Variants in NREP observed in about 807,000 individuals in gnomAD.
The protein encoded by NREP is neuronal regeneration related protein.
A neutral mutation model predicts 8.6 loss-of-function variants in NREP; 5 were observed. That is an observed-to-expected ratio of 0.58 (90% CI 0.30 to 1.22). The LOEUF (loss-of-function observed/expected upper bound fraction) is 1.22, where lower values mean the gene tolerates loss of function less well. NREP is among the 50% of genes most tolerant of loss of function. The pLI is 0.07. For synonymous variants in NREP, 27 were observed against 28.0 expected, an observed-to-expected ratio of 0.96 and a Z score of 0.11; for missense variants, 86 against 82.5, an observed-to-expected ratio of 1.04 and a Z score of -0.17.
chr5:111,910,788 T>G (rs1236081637), intron 2 of NREP, among the ~76,000 whole-genome samples: 1 of 152,020 alleles, frequency 6.6e-6, no homozygotes, highest in Non-Finnish European at 1.5e-5. Flanking sequence ...TCTATCTTGG[T>G]CACAGCCAGA....
In NREP at chr5:111,737,362, A is replaced by C. The variant is rs186808205; in HGVS notation, c.4-1855T>G. Among the ~76,000 whole-genome samples the C allele has an allele frequency of 2.3e-3, 344 of 152,248 alleles. 1 individual carries two copies. The highest frequency in any genetic ancestry group is 8.0e-3 in the African/African-American group (333 of 41,576). On this transcript the variant is annotated intron_variant, in intron 2 of 3. Transcript: ENST00000257435. ...AATTCACTTCATATAAATGGATATA[A>C]AGTGATTACATTTCTATATTACCAC...
intron 2 of NREP, among the ~76,000 whole-genome samples, chr5:111,754,943 A>C (rs766163708): frequency 5.3e-5 from 8 of 152,210 alleles, no homozygotes; most frequent in Non-Finnish European, 1.0e-4. Context: ...CTAAGTGACA[A>C]AGAGGTGTTT....
At chr5:111,777,355 AGTGT>A (rs57727316) in intron 2 of NREP, among the ~76,000 whole-genome samples, 134 of 148,768 alleles carry the variant, frequency 9.0e-4, no homozygotes, top group Middle Eastern at 6.8e-3. Context: ...TGTGTGTGTG[AGTGT>A]GTGTGTGTGT....
intron 2 of NREP, among the ~76,000 whole-genome samples, chr5:111,945,811 G>C (rs568459053): frequency 6.6e-6 from 1 of 151,582 alleles, no homozygotes; most frequent in African/African-American, 2.4e-5. Flanking sequence ...CAATCAGAAC[G>C]TTTGCAAAAA....
chr5:111,841,003 CT>C (rs999769109), intron 2 of NREP, among the ~76,000 whole-genome samples: 30 of 104,730 alleles, frequency 2.9e-4, no homozygotes, highest in African/African-American at 1.1e-3. Context: ...GATCTGTGTG[CT>C]TAAGTTTGTT....
At chr5:111,745,509 C>G (rs1175997231) in intron 2 of NREP, among the ~76,000 whole-genome samples, 3 of 152,144 alleles carry the variant, frequency 2.0e-5, no homozygotes, top group Non-Finnish European at 2.9e-5. Flanking sequence ...GCTGAGAAAC[C>G]AGATTGTTTT....
In NREP at chr5:111,816,399, T is replaced by A. The variant is rs889127676; in HGVS notation, c.136-80892A>T. Among the ~76,000 whole-genome samples, 17 of 152,248 alleles carry A rather than the reference T, an allele frequency of 1.1e-4. No individual in the cohort carries two copies. In the East Asian group the frequency reaches 2.9e-3, roughly 26 times the overall value. On this transcript the variant is annotated intron_variant, in intron 2 of 3. Transcript: ENST00000395634. ...GTTTAAATCAATGATTAATAATGTC[T>A]TGTGAGGTTTAAAACATATATAAAC...
At chr5:111,802,870 A>G (rs1027046328) in intron 2 of NREP, among the ~76,000 whole-genome samples, 1 of 152,216 alleles carries the variant, frequency 6.6e-6, no homozygotes, top group Non-Finnish European at 1.5e-5. Context: ...TAGATGACTG[A>G]GCAAAACTGG....
chr5:111,734,847 G>T (rs1030772701), intron 3 of NREP: 1 of 492,900 alleles, frequency 2.0e-6, no homozygotes, highest in Non-Finnish European at 3.6e-6. Flanking sequence ...GTAAAAACTG[G>T]TAAGTAGTTG....
At chr5:111,757,541 C>CTTA (rs1402248183), upstream of NREP, 33 of 984,848 alleles carry the variant, frequency 3.4e-5, no homozygotes, top group Non-Finnish European at 3.7e-5. Context: ...TGTGCAGCCG[C>CTTA]CTAGGAGCCA....
At chr5:111,882,148 G>A (rs191929706) in intron 2 of NREP, among the ~76,000 whole-genome samples, 2,926 of 152,344 alleles carry the variant, frequency 0.019, 47 homozygotes, top group Non-Finnish European at 0.027. Flanking sequence ...AGCTGATGGA[G>A]CTGAAAGCCA....
At chr5:111,803,578 G>A (rs1460382421) in intron 2 of NREP, among the ~76,000 whole-genome samples, 1 of 152,042 alleles carries the variant, frequency 6.6e-6, no homozygotes, top group Non-Finnish European at 1.5e-5. Flanking sequence ...ATCTTTTATT[G>A]TTCAAAGCAT....
At chr5:111,766,788 GA>G (rs2112868615) in intron 2 of NREP, among the ~76,000 whole-genome samples, 1 of 152,338 alleles carries the variant, frequency 6.6e-6, no homozygotes, top group African/African-American at 2.4e-5. Context: ...TGGTGAAGGA[GA>G]AGGGCCAAAG....
intron 3 of NREP, chr5:111,734,847 G>C (rs1030772701): frequency 1.8e-5 from 9 of 492,782 alleles, no homozygotes; most frequent in Middle Eastern, 2.8e-4. Flanking sequence ...GTAAAAACTG[G>C]TAAGTAGTTG....
chr5:111,904,643 G>T (rs895051496), intron 2 of NREP, among the ~76,000 whole-genome samples: 10 of 151,998 alleles, frequency 6.6e-5, no homozygotes, highest in African/African-American at 2.2e-4. Context: ...AAGAGCCCCA[G>T]GAACTTCATC....
chr5:111,783,143 C>T (rs1416487401), intron 2 of NREP, among the ~76,000 whole-genome samples: 2 of 152,130 alleles, frequency 1.3e-5, no homozygotes. Context: ...CTATAGGTGA[C>T]ACTCTCAACA....
chr5:111,885,771 G>A (rs985225213), intron 2 of NREP, among the ~76,000 whole-genome samples: 1 of 152,218 alleles, frequency 6.6e-6, no homozygotes, highest in African/African-American at 2.4e-5. Context: ...CTAGCCATAT[G>A]TAGAAAGCTG....
chr5:111,927,589 C>T (rs1224024010), intron 2 of NREP, among the ~76,000 whole-genome samples: 1 of 152,180 alleles, frequency 6.6e-6, no homozygotes, highest in Non-Finnish European at 1.5e-5. Flanking sequence ...GCTGTAATTT[C>T]ACATTGTGAT....
upstream of NREP, chr5:111,758,357 G>T: frequency 1.4e-6 from 1 of 716,592 alleles, no homozygotes; most frequent in Non-Finnish European, 1.7e-6. Flanking sequence ...GTCTGAAATT[G>T]TACTTTTTAA....
Sources: allele counts gnomAD v4.1 joint callset (sites outside exome capture counted in the v4.1 genomes callset), GRCh38; gene constraint gnomAD v4.1.1; transcripts MANE v1.5; gene names NCBI Gene and HGNC (gene_info 2026-07-23, HGNC 2026-07-21).